Variants in ZNF100 observed in about 807,000 individuals in gnomAD.
The protein encoded by ZNF100 is zinc finger protein 100, also known as zinc finger protein 100 (Y1).
Under a neutral mutation model 15.8 loss-of-function variants are expected in ZNF100, and 12 were observed. The observed-to-expected ratio is 0.76, with a 90% confidence interval of 0.49 to 1.23. The LOEUF (loss-of-function observed/expected upper bound fraction) is 1.23, where lower values mean the gene tolerates loss of function less well. Among genes scored for constraint, ZNF100 ranks in the 50% most tolerant of loss-of-function variants. The pLI is 0.00. For synonymous variants in ZNF100, 226 were observed against 214.8 expected (o/e 1.05, Z -0.45); for missense variants, 670 against 635.6 (o/e 1.05, Z -0.58).
chr19:21,741,892 G>C (rs1252601913), intron 4 of ZNF100, among the ~76,000 whole-genome samples: 1 of 152,016 alleles, frequency 6.6e-6, no homozygotes, highest in Non-Finnish European at 1.5e-5. Context: ...TGCCCTGGCT[G>C]GTCTCAAACT....
In ZNF100 at chr19:21,727,228, T is replaced by C. The variant is rs770312536; in HGVS notation, c.1084A>G (p.Thr362Ala). Residue 362 changes from threonine to alanine, a missense_variant, in exon 5 of 5, where the codon ACA (threonine) becomes GCA (alanine). Transcript: ENST00000358296. The part of the protein sequence containing the change: ...KAFNQSSTLT[T>A]HKITHAGEKP... ...TCTCCAGCATGAGTTATCTTATGTG[T>C]AGTAAGGGTTGAGGACTGGTTAAAG... The C allele has an allele frequency of 1.2e-6, 2 of 1,613,602 alleles. No individual in the cohort carries two copies. The highest frequency in any genetic ancestry group is 1.1e-5 in the South Asian group (1 of 91,068).
intron 4 of ZNF100, among the ~76,000 whole-genome samples, chr19:21,732,249 G>A (rs2035933390): frequency 6.6e-6 from 1 of 152,146 alleles, no homozygotes; most frequent in South Asian, 2.1e-4. Context: ...AGTTACAATA[G>A]TTTCAATATT....
At chr19:21,745,555 G>A (rs1031688899) in intron 2 of ZNF100, among the ~76,000 whole-genome samples, 4 of 149,732 alleles carry the variant, frequency 2.7e-5, no homozygotes, top group Admixed American at 1.3e-4. Flanking sequence ...TCGCTCTGTC[G>A]CCCAGGCCGG....
At position 21,723,398 on chromosome 19, in the gene ZNF100, G is replaced by A. The variant is rs34926877; in HGVS notation, c.*3285C>T. The A allele has an allele frequency of 2.0e-5, 3 of 147,380 alleles. No individual in the cohort carries two copies. Among genetic ancestry groups the A allele is most frequent in the African/African-American group, 2.5e-5 (1 of 39,778 alleles). 9.1% of individuals were successfully genotyped at this position (147,380 alleles called of 1,614,324 possible). A position where few individuals can be genotyped will look rare whatever the true frequency, so the allele number is the denominator to read the frequency against. On this transcript the variant is annotated 3_prime_UTR_variant, in exon 5 of 5. Transcript: ENST00000358296. ...AAAAAAAAAAACAACCAACTTTCTC[G>A]TCAAAATTTACAAAGTACCATGTGA...
rs778124901 is a variant in ZNF100, at chr19:21,727,759, CTT to C, written c.551_552del (p.Lys184SerfsTer12). ...TTTGAATTTGAAAATGTATGAAAGA[CTT>C]TTGCAGATGGATCACATTGAAATAT... ...SNIFQCDPSA[K>X]VFHTFSNSNR... On this transcript the variant is annotated frameshift_variant, in exon 5 of 5. Coordinates refer to ENST00000358296, the MANE Select transcript of ZNF100 (RefSeq NM_173531.4). LOFTEE classifies it low-confidence loss of function (END_TRUNC). 48 of 1,613,840 alleles carry C rather than the reference CTT, an allele frequency of 3.0e-5. No individual in the cohort carries two copies. The highest frequency in any genetic ancestry group is 5.3e-5 in the African/African-American group (4 of 75,000).
At chr19:21,755,140 C>T (rs897966900) in intron 2 of ZNF100, among the ~76,000 whole-genome samples, 3 of 151,856 alleles carry the variant, frequency 2.0e-5, no homozygotes, top group East Asian at 1.9e-4. Flanking sequence ...TGGAGAAACC[C>T]GTCTCTACTA....
chr19:21,727,783 A>G lies in ZNF100; in HGVS notation c.529T>C (p.Phe177Leu). ...ACTTTTGCAGATGGATCACATTGAA[A>G]TATGTTGCTCTGGGTAGTTATCAAA... is the stretch of plus-strand genomic sequence containing the variant. ...QCLITTQSNI[F>L]QCDPSAKVFH... Residue 177 changes from phenylalanine (F) to leucine (L), a missense_variant, in exon 5 of 5, where the codon TTT becomes CTT. By Grantham distance (22) the Phe-to-Leu change is conservative. Transcript: ENST00000358296. 6.2e-7 allele frequency: 1 copy of G among 1,613,828 alleles called. No homozygotes were observed. The highest frequency in any genetic ancestry group is 8.5e-7 in the Non-Finnish European group (1 of 1,179,862).
In ZNF100 at chr19:21,767,414, C is replaced by G. The variant is rs765082902; in HGVS notation, c.3+13G>C. 5 of 1,608,930 alleles carry G rather than the reference C, an allele frequency of 3.1e-6. No homozygotes were observed. Among genetic ancestry groups the G allele is most frequent in the African/African-American group, 2.7e-5 (2 of 74,866 alleles). On this transcript the variant is annotated intron_variant, in intron 1 of 4. Transcript: ENST00000358296. ...TTCGCCGTCTCTCGGGATGTCGGAC[C>G]GGGCACTCTCACCATTTCTAGGCTT...
At chr19:21,766,472 G>A (rs1453992649) in intron 1 of ZNF100, among the ~76,000 whole-genome samples, 1 of 149,974 alleles carries the variant, frequency 6.7e-6, no homozygotes, top group African/African-American at 2.5e-5. Context: ...TACATTCAGA[G>A]AAAATGTAGG....
Position 21,751,658 on chromosome 19 carries a change from G to A in ZNF100, c.97-6591C>T, listed in dbSNP as rs61744039. The A allele has an allele frequency of 1.5e-3, 2,065 of 1,400,284 alleles. 30 individuals are homozygous for A. In the African/African-American group the frequency reaches 0.027, roughly 18 times the overall value. The allele number at this position is 1,400,284 out of a possible 1,614,324, so 86.7% of individuals were successfully genotyped here. ...TACAGTTGAGGACATGAATGAAATG[G>A]AAAGGCATTTTTCGGAGCTTCTTCA... On this transcript the variant is annotated intron_variant, in intron 2 of 4. Coordinates refer to ENST00000358296, the MANE Select transcript of ZNF100 (RefSeq NM_173531.4).
intron 4 of ZNF100, among the ~76,000 whole-genome samples, chr19:21,728,314 G>A (rs12982134): frequency 0.081 from 12,274 of 152,014 alleles, 627 homozygotes; most frequent in South Asian, 0.18. Flanking sequence ...TTGCCAACTT[G>A]TTTTTAATGA....
chr19:21,733,984 C>T (rs192022339), intron 4 of ZNF100, among the ~76,000 whole-genome samples: 13 of 152,308 alleles, frequency 8.5e-5, no homozygotes, highest in Admixed American at 8.5e-4. Context: ...GAAGACGGGC[C>T]TGACTGTTAA....
intron 4 of ZNF100, among the ~76,000 whole-genome samples, chr19:21,742,217 A>G (rs1568299770): frequency 2.6e-5 from 4 of 151,262 alleles, no homozygotes. Flanking sequence ...GAATTGCTTG[A>G]ACCCAGGAGG....
At chr19:21,762,185 GA>G (rs200369696) in intron 2 of ZNF100, among the ~76,000 whole-genome samples, 3 of 149,414 alleles carry the variant, frequency 2.0e-5, no homozygotes, top group East Asian at 3.9e-4. Context: ...CTCAAAAAAA[GA>G]AAAAAAAATA....
rs72479598 is a variant in ZNF100 at position 21,726,931 on chromosome 19, C to A, written c.1381G>T (p.Glu461Ter). 5.0e-6 allele frequency: 8 copies of A among 1,612,656 alleles called. No individual in the cohort carries two copies. Among genetic ancestry groups the A allele is most frequent in the Non-Finnish European group, 6.8e-6 (8 of 1,179,450 alleles). ...GACCGGTTAAAGGCTTTGCCACATT[C>A]GTCACATTTGTAGGGTTTCTCTCCA... is the stretch of plus-strand genomic sequence containing the variant. ...HTGEKPYKCD[E>*]CGKAFNRSSQ... Residue 461 changes from glutamate (E) to a stop codon, truncating the protein, a stop_gained, in exon 5 of 5, where the codon GAA (glutamate) becomes TAA (stop). Coordinates refer to ENST00000358296, the MANE Select transcript of ZNF100 (RefSeq NM_173531.4). LOFTEE classifies it low-confidence loss of function (END_TRUNC).
intron 4 of ZNF100, among the ~76,000 whole-genome samples, chr19:21,743,613 C>T (rs114875935): frequency 2.6e-3 from 394 of 152,170 alleles, no homozygotes; most frequent in African/African-American, 8.8e-3. Context: ...TACTTTCACA[C>T]ATTTCAGACA....
chr19:21,737,964 A>T (rs1358898131), intron 4 of ZNF100, among the ~76,000 whole-genome samples: 1 of 152,180 alleles, frequency 6.6e-6, no homozygotes, highest in East Asian at 1.9e-4. Context: ...ATAAATATCG[A>T]TGCAGGCCGG....
At chr19:21,731,177 T>C (rs370957047) in intron 4 of ZNF100, among the ~76,000 whole-genome samples, 2 of 152,244 alleles carry the variant, frequency 1.3e-5, no homozygotes, top group East Asian at 3.9e-4. Flanking sequence ...AGTAGACTAA[T>C]AAAATAGAAT....
intron 2 of ZNF100, among the ~76,000 whole-genome samples, chr19:21,762,818 G>A (rs570118603): frequency 6.6e-6 from 1 of 152,174 alleles, no homozygotes; most frequent in African/African-American, 2.4e-5. Flanking sequence ...TGCATTCCCA[G>A]ATAGTTAACC....
Sources: allele counts gnomAD v4.1 joint callset (sites outside exome capture counted in the v4.1 genomes callset), GRCh38; gene constraint gnomAD v4.1.1; transcripts MANE v1.5; gene names NCBI Gene and HGNC (gene_info 2026-07-23, HGNC 2026-07-21).